ANGPT1: variants seen among roughly 807,000 people sequenced by gnomAD.
The protein encoded by ANGPT1 is angiopoietin 1, also known as angiopoietin-1.
ANGPT1 carries 17 observed loss-of-function variants against 62.2 expected under a neutral mutation model. The ratio of observed to expected loss-of-function variants is 0.27; its 90% CI spans 0.19 to 0.41. The LOEUF is 0.41. Among genes scored for constraint, ANGPT1 ranks in the 10% least tolerant of loss-of-function variants. ANGPT1 has a pLI of 1.00. For synonymous variants in ANGPT1, 199 were observed against 198.9 expected (o/e 1.00, Z 0.00); for missense variants, 478 against 594.9 (o/e 0.80, Z 2.04).
chr8:107,364,472 G>C (rs1816232407), intron 1 of ANGPT1, among the ~76,000 whole-genome samples: 1 of 152,032 alleles, frequency 6.6e-6, no homozygotes, highest in Non-Finnish European at 1.5e-5. Flanking sequence ...GTAGAACCAG[G>C]GTTTTGCCAT....
intron 1 of ANGPT1, among the ~76,000 whole-genome samples, chr8:107,380,006 G>A (rs187591432): frequency 8.2e-4 from 125 of 152,088 alleles, no homozygotes; most frequent in African/African-American, 2.2e-3. Flanking sequence ...CTAAGAAAGC[G>A]CGCACACATG....
chr8:107,313,512 T>C (rs1814934144), intron 4 of ANGPT1, among the ~76,000 whole-genome samples: 1 of 120,694 alleles, frequency 8.3e-6, no homozygotes, highest in African/African-American at 3.1e-5. Flanking sequence ...CAATCTCAAC[T>C]CACTGCAAGC....
At chr8:107,337,215 G>A (rs1815587781) in intron 2 of ANGPT1, among the ~76,000 whole-genome samples, 2 of 152,296 alleles carry the variant, frequency 1.3e-5, no homozygotes, top group Admixed American at 1.3e-4. Context: ...TTCTGATTCT[G>A]CTGCTTTGCA....
intron 1 of ANGPT1, among the ~76,000 whole-genome samples, chr8:107,410,421 A>T (rs1216006615): frequency 2.0e-5 from 3 of 152,142 alleles, no homozygotes; most frequent in Non-Finnish European, 4.4e-5. Flanking sequence ...ACACAGGCCA[A>T]CATGCTAAAA....
intron 1 of ANGPT1, among the ~76,000 whole-genome samples, chr8:107,361,734 A>C (rs1816170381): frequency 6.6e-6 from 1 of 151,768 alleles, no homozygotes; most frequent in African/African-American, 2.4e-5. Context: ...CTTATTAAGT[A>C]TGTATAAGAA....
At position 107,403,519 on chromosome 8, in the gene ANGPT1, C is replaced by T. The variant is rs192682545; in HGVS notation, c.298-56422G>A. The stretch of plus-strand genomic sequence containing the variant: ...AATATCCGTATAGTAGAATCTTATG[C>T]TGATATCATCAATGATGATAAGGGT... On this transcript the variant is annotated intron_variant, in intron 1 of 8. Transcript: ENST00000517746. Among the ~76,000 whole-genome samples the T allele has an allele frequency of 1.4e-3, 212 of 152,030 alleles. 2 individuals carry two copies. The Middle Eastern group carries it at 0.02, about 15-fold the overall frequency.
intron 1 of ANGPT1, among the ~76,000 whole-genome samples, chr8:107,469,857 T>C (rs1462221309): frequency 6.6e-6 from 1 of 152,044 alleles, no homozygotes; most frequent in Admixed American, 6.6e-5. Flanking sequence ...GCAATAAGAA[T>C]TGACATCAGA....
intron 3 of ANGPT1, among the ~76,000 whole-genome samples, chr8:107,334,226 G>GA (rs2130113415): frequency 6.6e-6 from 1 of 152,140 alleles, no homozygotes; most frequent in Admixed American, 6.5e-5. Flanking sequence ...GATCAGTAGG[G>GA]AAAAACTAAA....
intron 7 of ANGPT1, among the ~76,000 whole-genome samples, chr8:107,267,184 AAAATAC>A (rs1247131565): frequency 1.3e-5 from 2 of 152,144 alleles, no homozygotes; most frequent in African/African-American, 4.8e-5. Context: ...TCTCCATGTG[AAAATAC>A]AAATAGAAAT....
intron 7 of ANGPT1, among the ~76,000 whole-genome samples, chr8:107,277,837 G>A (rs1220442067): frequency 6.6e-6 from 1 of 152,080 alleles, no homozygotes; most frequent in African/African-American, 2.4e-5. Context: ...ATAGATGAGT[G>A]GTAGACTGTT....
intron 1 of ANGPT1, among the ~76,000 whole-genome samples, chr8:107,400,629 G>A (rs1021749215): frequency 1.3e-5 from 2 of 149,352 alleles, no homozygotes; most frequent in East Asian, 2.0e-4. Flanking sequence ...TCGTGATCTC[G>A]GCACACTGCA....
intron 5 of ANGPT1, among the ~76,000 whole-genome samples, chr8:107,298,400 G>A (rs1245284379): frequency 6.6e-6 from 1 of 151,744 alleles, no homozygotes; most frequent in East Asian, 1.9e-4. Context: ...GATGAAACTA[G>A]GCATTTGGTT....
At chr8:107,392,427 A>G (rs1030023381) in intron 1 of ANGPT1, among the ~76,000 whole-genome samples, 5 of 152,110 alleles carry the variant, frequency 3.3e-5, no homozygotes, top group Non-Finnish European at 5.9e-5. Flanking sequence ...TTTAATTTCT[A>G]TTTTGACTAA....
intron 2 of ANGPT1, among the ~76,000 whole-genome samples, chr8:107,344,231 C>G: frequency 6.6e-6 from 1 of 151,942 alleles, no homozygotes; most frequent in Admixed American, 6.6e-5. Flanking sequence ...GTTAGTTTCC[C>G]CAAAAACCAA....
intron 1 of ANGPT1, among the ~76,000 whole-genome samples, chr8:107,442,067 G>A (rs983536952): frequency 1.3e-5 from 2 of 152,102 alleles, no homozygotes; most frequent in Non-Finnish European, 2.9e-5. Flanking sequence ...CTCGGTGACA[G>A]AGTGACACTC....
At chr8:107,405,158 A>C (rs1817123743) in intron 1 of ANGPT1, among the ~76,000 whole-genome samples, 1 of 151,934 alleles carries the variant, frequency 6.6e-6, no homozygotes, top group Non-Finnish European at 1.5e-5. Flanking sequence ...AATAATTGAT[A>C]TTACAGTTTT....
chr8:107,479,140 A>AT (rs11381920), intron 1 of ANGPT1, among the ~76,000 whole-genome samples: 43,113 of 149,774 alleles, frequency 0.29, 7,047 homozygotes, highest in Middle Eastern at 0.39. Flanking sequence ...TATCTTCCAG[A>AT]TTTTTTTTTT....
chr8:107,304,071 T>C (rs1814657854), intron 4 of ANGPT1, among the ~76,000 whole-genome samples: 2 of 151,896 alleles, frequency 1.3e-5, no homozygotes, highest in South Asian at 2.1e-4. Flanking sequence ...ATCAGGCAGA[T>C]GATACACAAA....
chr8:107,367,596 A>G (rs1816303380), intron 1 of ANGPT1, among the ~76,000 whole-genome samples: 1 of 152,160 alleles, frequency 6.6e-6, no homozygotes, highest in Non-Finnish European at 1.5e-5. Flanking sequence ...GGAAAGTTAT[A>G]CTGTTTGGTA....
Sources: allele counts gnomAD v4.1 joint callset (sites outside exome capture counted in the v4.1 genomes callset), GRCh38; gene constraint gnomAD v4.1.1; transcripts MANE v1.5; gene names NCBI Gene and HGNC (gene_info 2026-07-23, HGNC 2026-07-21).